GNA14: variants seen among roughly 807,000 people sequenced by gnomAD.
GNA14 encodes guanine nucleotide-binding protein subunit alpha-14.
Under a neutral mutation model 42.0 loss-of-function variants are expected in GNA14, and 50 were observed. The ratio of observed to expected loss-of-function variants is 1.19; its 90% confidence interval spans 0.95 to 1.51. GNA14 has a LOEUF of 1.51. Ranked by LOEUF, GNA14 falls within the 40% of genes most tolerant of loss-of-function variation. The pLI, the probability that GNA14 is intolerant of heterozygous loss-of-function variation, is 0.00. For missense variants in GNA14, 473 were observed against 446.2 expected (o/e 1.06, Z -0.54); for synonymous variants, 173 against 163.1 (o/e 1.06, Z -0.46).
chr9:77,425,496 T>C, intron 6 of GNA14, 66 bp downstream of exon 6: 1 of 1,283,490 alleles, frequency 7.8e-7, no homozygotes, highest in African/African-American at 1.5e-5. Context: ...GTGATAACTC[T>C]AGACTGATGC....
intron 2 of GNA14, among the ~76,000 whole-genome samples, chr9:77,490,522 T>G (rs1271724384): frequency 1.3e-5 from 2 of 152,224 alleles, no homozygotes; most frequent in Non-Finnish European, 2.9e-5. Flanking sequence ...TCCCGAGGCC[T>G]GCCTCGCGGG....
intron 2 of GNA14, among the ~76,000 whole-genome samples, chr9:77,504,449 C>A (rs577012029): frequency 1.3e-5 from 2 of 151,634 alleles, no homozygotes; most frequent in Non-Finnish European, 2.9e-5. Context: ...GAAGGAAAAG[C>A]TCCTAGAAGA....
intron 1 of GNA14, among the ~76,000 whole-genome samples, chr9:77,643,240 A>ATT (rs113345502): frequency 0.042 from 5,767 of 137,270 alleles, 414 homozygotes; most frequent in East Asian, 0.23. Flanking sequence ...AGGTGTTGTC[A>ATT]TTTTTTTTTT....
At chr9:77,641,383 C>A (rs1449993562) in intron 1 of GNA14, among the ~76,000 whole-genome samples, 1 of 151,512 alleles carries the variant, frequency 6.6e-6, no homozygotes, top group Non-Finnish European at 1.5e-5. Context: ...GTGGATAAAA[C>A]AGACAATATC....
At chr9:77,613,772 C>A (rs558081170) in intron 1 of GNA14, among the ~76,000 whole-genome samples, 1 of 152,176 alleles carries the variant, frequency 6.6e-6, no homozygotes, top group Non-Finnish European at 1.5e-5. Flanking sequence ...TGAACTGATG[C>A]AGGAAAATCC....
rs765369150 is a variant in GNA14 at position 77,434,511 on chromosome 9, C to T, written c.321G>A (p.Gln107=). 1 of 1,613,224 alleles carries T rather than the reference C, an allele frequency of 6.2e-7. No individual in the cohort carries two copies. The highest frequency in any genetic ancestry group is 8.5e-7 in the Non-Finnish European group (1 of 1,179,694). The change falls in exon 3 of 7, where the codon CAG becomes CAA. Residue 107 remains glutamine (Q), a synonymous_variant. Coordinates refer to ENST00000341700, the MANE Select transcript of GNA14 (RefSeq NM_004297.4). ...TGTCCACTTCCACTTCTCTGATTAT[C>T]TGGGCATTTTCCTACTCAAAGGAAA... is the stretch of plus-strand genomic sequence containing the variant. The part of the protein sequence containing the change: ...YVCEQNKENA[Q]IIREVEVDKV...
intron 6 of GNA14, 37 bp from the exon 7 acceptor site, chr9:77,424,206 A>T: frequency 7.0e-7 from 1 of 1,423,638 alleles, no homozygotes; most frequent in Non-Finnish European, 9.7e-7. Context: ...AAAGACACAG[A>T]CTTAACACCA....
chr9:77,603,117 A>G lies in GNA14; in HGVS notation c.124+44553T>C, dbSNP rs546585178. Among the ~76,000 whole-genome samples the G allele has an allele frequency of 7.9e-5, 12 of 152,358 alleles. No homozygotes were observed. The South Asian group carries it at 1.9e-3, about 24-fold the overall frequency. ...GCTCTTCACACAGTTGGCTGGCTCA[A>G]AATGATGACTGCTGCATGGGTGTAC... is the stretch of plus-strand genomic sequence containing the variant. On this transcript the variant is annotated intron_variant, in intron 1 of 6. Coordinates refer to ENST00000341700, the MANE Select transcript of GNA14 (RefSeq NM_004297.4).
rs567357463 is a variant in GNA14, at chr9:77,472,107, ACAGCTTTG to A, written c.310-37593_310-37586del. 6.2e-3 allele frequency among the ~76,000 whole-genome samples: 950 copies of A among 152,260 alleles called. 5 individuals carry two copies. Among genetic ancestry groups the A allele is most frequent in the Non-Finnish European group, 0.011 (732 of 68,026 alleles). ...CTTGTCCAAGTAAAACCAACTCCAT[ACAGCTTTG>A]CACCAGCTCTGTCACTAAGCCCCCA... On this transcript the variant is annotated intron_variant, in intron 2 of 6. Transcript: ENST00000341700.
intron 1 of GNA14, among the ~76,000 whole-genome samples, chr9:77,608,585 C>T (rs947477227): frequency 6.6e-6 from 1 of 152,138 alleles, no homozygotes; most frequent in Non-Finnish European, 1.5e-5. Context: ...ACCAGCCCTG[C>T]CCCCTTGACC....
At position 77,500,524 on chromosome 9, in the gene GNA14, G is replaced by A. The variant is rs542030675; in HGVS notation, c.309+28545C>T. On this transcript the variant is annotated intron_variant, in intron 2 of 6. Coordinates refer to ENST00000341700, the MANE Select transcript of GNA14 (RefSeq NM_004297.4). ...CATCAAAACCAGGACATTGACATGA[G>A]TACAGTCAAGATATAGAACATTTCT... Among the ~76,000 whole-genome samples the A allele has an allele frequency of 2.0e-5, 3 of 152,232 alleles. No individual in the cohort carries two copies. The East Asian group carries it at 5.8e-4, about 29-fold the overall frequency.
chr9:77,605,851 A>G (rs1309277616), intron 1 of GNA14, among the ~76,000 whole-genome samples: 2 of 152,226 alleles, frequency 1.3e-5, no homozygotes, highest in Admixed American at 1.3e-4. Flanking sequence ...GTTGAATTCT[A>G]TGATTTCTAA....
intron 5 of GNA14, among the ~76,000 whole-genome samples, chr9:77,425,979 A>G (rs190257084): frequency 6.6e-6 from 1 of 152,046 alleles, no homozygotes; most frequent in African/African-American, 2.4e-5. Context: ...ACTCACATGG[A>G]ACGAAGTAAG....
chr9:77,643,750 C>A (rs1824307539), intron 1 of GNA14, among the ~76,000 whole-genome samples: 1 of 152,134 alleles, frequency 6.6e-6, no homozygotes, highest in African/African-American at 2.4e-5. Flanking sequence ...AAGGGAAACT[C>A]AAAGTAAAAC....
At chr9:77,476,788 CT>C (rs2131725116) in intron 2 of GNA14, among the ~76,000 whole-genome samples, 1 of 152,284 alleles carries the variant, frequency 6.6e-6, no homozygotes, top group Non-Finnish European at 1.5e-5. Flanking sequence ...GGAGAGAAAG[CT>C]GAAACCTTGT....
intron 1 of GNA14, among the ~76,000 whole-genome samples, chr9:77,539,655 A>T (rs1487174454): frequency 6.6e-6 from 1 of 151,934 alleles, no homozygotes; most frequent in Non-Finnish European, 1.5e-5. Context: ...CTTTGTTGGG[A>T]GACATTTTTA....
At chr9:77,549,148 T>G (rs1276532218) in intron 1 of GNA14, among the ~76,000 whole-genome samples, 1 of 152,196 alleles carries the variant, frequency 6.6e-6, no homozygotes, top group Non-Finnish European at 1.5e-5. Flanking sequence ...TTGGCCAGGA[T>G]GGTCTTGATC....
At position 77,588,551 on chromosome 9, in the gene GNA14, G is replaced by T. The variant is rs75988109; in HGVS notation, c.124+59119C>A. 7.2e-5 allele frequency among the ~76,000 whole-genome samples: 11 copies of T among 152,258 alleles called. 1 individual carries two copies. In the South Asian group the frequency reaches 2.1e-3, roughly 29 times the overall value. On this transcript the variant is annotated intron_variant, in intron 1 of 6. Transcript: ENST00000341700. ...GACAGCTGAATGAGTCACGGGGTGA[G>T]AAGAGAAGGAAAGTTTAAAGCCTTT...
intron 1 of GNA14, among the ~76,000 whole-genome samples, chr9:77,565,272 G>A (rs1822949172): frequency 1.3e-5 from 2 of 152,178 alleles, no homozygotes. Context: ...AGACTGGTAT[G>A]AATTGAGATG....
Sources: gnomAD v4.1 joint callset for allele counts (sites outside exome capture counted in the v4.1 genomes callset) on GRCh38, gnomAD v4.1.1 for gene constraint, MANE v1.5 for transcripts, NCBI Gene and HGNC (gene_info 2026-07-23, HGNC 2026-07-21) for gene names.